The following DSG2 variants were observed in gnomAD, a reference collection of about 807,000 sequenced individuals.
The protein encoded by DSG2 is desmoglein-2.
DSG2 carries 45 observed loss-of-function variants against 75.6 expected under a neutral mutation model. The ratio of observed to expected loss-of-function variants is 0.60; its 90% CI spans 0.47 to 0.76. DSG2 has a LOEUF of 0.76. DSG2 is among the 30% of genes least tolerant of loss of function. The probability of loss-of-function intolerance (pLI) is 0.00; values close to 1 mark genes in which losing one functional copy is unlikely to be tolerated. For synonymous variants in DSG2, 429 were observed against 483.9 expected (o/e 0.89, Z 1.49); for missense variants, 1,267 against 1,357.4 (o/e 0.93, Z 1.05).
chr18:31,502,513 G>A (rs2144285050), intron 1 of DSG2, among the ~76,000 whole-genome samples: 1 of 152,364 alleles, frequency 6.6e-6, no homozygotes, highest in South Asian at 2.1e-4. Flanking sequence ...ACTTTGGGAG[G>A]CCAAGGTGGG....
intron 1 of DSG2, among the ~76,000 whole-genome samples, chr18:31,517,275 G>A (rs2073099527): frequency 6.6e-6 from 1 of 152,198 alleles, no homozygotes; most frequent in African/African-American, 2.4e-5. Flanking sequence ...AAGGTAGTGG[G>A]GAGGTGGGGG....
rs2073307972 is a variant in DSG2, at chr18:31,546,225, C to T, written c.2839C>T (p.Pro947Ser). ...ETSYVTGSTM[P>S]PTTVILGPSQ... ...TTCCTATGTCACAGGGTCCACTATGCCACCAACCACTGTGATCCTGGGTCC... is the reference window on the plus strand; with the variant it reads ...TTCCTATGTCACAGGGTCCACTATGTCACCAACCACTGTGATCCTGGGTCC... Residue 947 changes from proline to serine, a missense_variant, in exon 15 of 15, where the codon CCA (proline) becomes TCA (serine). Physicochemically the swap from Pro to Ser is moderately conservative, Grantham distance 74 (BLOSUM62 -1). Coordinates refer to ENST00000261590, the MANE Select transcript of DSG2 (RefSeq NM_001943.5). The T allele has an allele frequency of 1.9e-6, 3 of 1,610,616 alleles. No individual in the cohort carries two copies. The African/African-American group carries it at 4.0e-5, about 22-fold the overall frequency.
At chr18:31,526,379 C>T (rs2704041) in intron 8 of DSG2, among the ~76,000 whole-genome samples, 33,605 of 151,970 alleles carry the variant, frequency 0.22, 5,919 homozygotes, top group African/African-American at 0.49. Flanking sequence ...AAATGTATAA[C>T]AGAATAGGGA....
chr18:31,545,875 G>C lies in DSG2; in HGVS notation c.2489G>C (p.Gly830Ala), dbSNP rs774914999. The C allele has an allele frequency of 1.9e-6, 3 of 1,614,028 alleles. No individual in the cohort carries two copies. The highest frequency in any genetic ancestry group is 2.5e-6 in the Non-Finnish European group (3 of 1,180,004). The change falls in exon 15 of 15, where the codon GGA becomes GCA. Residue 830 changes from glycine to alanine, a missense_variant. By Grantham distance (60) the Gly-to-Ala change is moderately conservative (BLOSUM62 0). Coordinates refer to ENST00000261590, the MANE Select transcript of DSG2 (RefSeq NM_001943.5). ...ELDDRFLDDLGLKFKTLAEVC... is the reference protein window; with the variant it reads ...ELDDRFLDDLALKFKTLAEVC... ...GATGACCGCTTCTTAGATGATTTGG[G>C]ACTTAAATTCAAGACACTAGCTGAA...
intron 6 of DSG2, among the ~76,000 whole-genome samples, chr18:31,523,859 G>C (rs924217935): frequency 9.2e-5 from 14 of 152,310 alleles, no homozygotes; most frequent in African/African-American, 2.9e-4. Context: ...GTGTCCTGCT[G>C]TGCACTGAGT....
At chr18:31,511,245 A>G (rs2073064747) in intron 1 of DSG2, among the ~76,000 whole-genome samples, 1 of 152,116 alleles carries the variant, frequency 6.6e-6, no homozygotes. Flanking sequence ...AAGGGCTATC[A>G]TGTGCATTGT....
chr18:31,498,241 G>C lies in DSG2; in HGVS notation c.-11G>C. On this transcript the variant is annotated 5_prime_UTR_variant, in exon 1 of 15. Transcript: ENST00000261590. ...AGCGGTGCGGCGGCGGGAGGCGGAG[G>C]CGAGGGTGCGATGGCGCGGAGCCCG... 8.0e-7 allele frequency: 1 copy of C among 1,255,106 alleles called. No individual in the cohort carries two copies. The highest frequency in any genetic ancestry group is 3.9e-5 in the South Asian group (1 of 25,328). The allele number at this position is 1,255,106 out of a possible 1,614,324, so 77.7% of individuals were successfully genotyped here.
intron 1 of DSG2, among the ~76,000 whole-genome samples, chr18:31,502,814 A>C (rs1231328400): frequency 6.6e-6 from 1 of 152,096 alleles, no homozygotes; most frequent in Admixed American, 6.6e-5. Context: ...GAAAGGAAGG[A>C]AGGAACTTTA....
At chr18:31,517,378 GC>G (rs1044845958) in intron 1 of DSG2, among the ~76,000 whole-genome samples, 1 of 152,162 alleles carries the variant, frequency 6.6e-6, no homozygotes, top group African/African-American at 2.4e-5. Context: ...CGATAGATCA[GC>G]AGGGTGACTA....
Position 31,531,085 on chromosome 18 carries a change from A to G in DSG2, c.1113A>G (p.Thr371=), listed in dbSNP as rs867091301. Residue 371 remains threonine, a synonymous_variant, in exon 9 of 15, where the codon ACA becomes ACG. Coordinates refer to ENST00000261590, the MANE Select transcript of DSG2 (RefSeq NM_001943.5). ...HKSIRSKYKP[T]PIPIKVKVKN... is the part of the protein sequence containing the mutation. ...CGATTAGGAGTAAATACAAGCCTAC[A>G]CCCATTCCCATCAAGGTCAAAGTGA... is the stretch of plus-strand genomic sequence containing the variant. 2 of 1,614,116 alleles carry G rather than the reference A, an allele frequency of 1.2e-6. No homozygotes were observed. The highest frequency in any genetic ancestry group is 3.3e-4 in the Middle Eastern group (2 of 6,062).
At chr18:31,500,007 C>T (rs576833448) in intron 1 of DSG2, among the ~76,000 whole-genome samples, 2 of 145,166 alleles carry the variant, frequency 1.4e-5, no homozygotes, top group East Asian at 2.0e-4. Context: ...CATTTTACCC[C>T]CAGTGTGTTT....
chr18:31,502,665 C>T (rs1488700494), intron 1 of DSG2, among the ~76,000 whole-genome samples: 2 of 151,876 alleles, frequency 1.3e-5, no homozygotes, highest in Admixed American at 6.5e-5. Flanking sequence ...GCAGGAGAAT[C>T]GCTTGAACCT....
chr18:31,503,305 C>G (rs1270631076), intron 1 of DSG2, among the ~76,000 whole-genome samples: 1 of 152,128 alleles, frequency 6.6e-6, no homozygotes, highest in Non-Finnish European at 1.5e-5. Context: ...ATAGAAGGAG[C>G]AACTATCTCA....
rs1598822771 is a variant in DSG2 at position 31,541,041 on chromosome 18, A to C, written c.1880-152A>C. The C allele has an allele frequency of 6.4e-6, 6 of 934,158 alleles. No homozygotes were observed. The East Asian group carries it at 1.6e-4, about 26-fold the overall frequency. 57.9% of individuals were successfully genotyped at this position (934,158 alleles called of 1,614,324 possible). A position where few individuals can be genotyped will look rare whatever the true frequency, so the allele number is the denominator to read the frequency against. On this transcript the variant is annotated intron_variant, in intron 12 of 14. Coordinates refer to ENST00000261590, the MANE Select transcript of DSG2 (RefSeq NM_001943.5). ...GTAATTCACCCAAAACAAGCTTGGT[A>C]AGGTTGGATCAGGGTGAAGAAAAGA...
At chr18:31,543,175 G>T in intron 14 of DSG2, 1 of 219,814 alleles carries the variant, frequency 4.5e-6, no homozygotes, top group Non-Finnish European at 9.0e-6. Flanking sequence ...CACTGAGAGA[G>T]CAGATTGTAC....
intron 1 of DSG2, among the ~76,000 whole-genome samples, chr18:31,505,706 G>C (rs1470686001): frequency 3.4e-5 from 5 of 145,080 alleles, no homozygotes; most frequent in Non-Finnish European, 7.4e-5. Context: ...TCTTTCACCA[G>C]GCTGGAGTGC....
chr18:31,519,381 T>C (rs925421231), intron 2 of DSG2, among the ~76,000 whole-genome samples: 7 of 152,000 alleles, frequency 4.6e-5, no homozygotes, highest in Non-Finnish European at 1.0e-4. Context: ...TTAGGCAACA[T>C]GGTGAAACCC....
rs771576658 is a variant in DSG2 at position 31,538,977 on chromosome 18, A to T, written c.1878A>T (p.Leu626=). 6.2e-7 allele frequency: 1 copy of T among 1,612,934 alleles called. No individual in the cohort carries two copies. Residue 626 remains leucine (L), a splice_region_variant and synonymous_variant, in exon 12 of 15, where the codon CTA becomes CTT. Transcript: ENST00000261590. ...ALMILAFLLL[L]LVPLLLLMCH... is the part of the protein sequence containing the mutation. ...TGATTTTGGCCTTTCTGCTCCTGCT[A>T]TGTAAGTCTTTAAAAGCCACTCTGT...
In DSG2 at chr18:31,546,178, G is replaced by C; in HGVS notation, c.2792G>C (p.Arg931Thr). ...ATPLPDPMAS[R>T]NVIATETSYV... ...CCTCTTCCTGACCCAATGGCTTCTA[G>C]AAATGTGATAGCAACAGAAACTTCC... Residue 931 changes from arginine (R) to threonine (T), a missense_variant, in exon 15 of 15, where the codon AGA becomes ACA. By Grantham distance (71) the Arg-to-Thr change is moderately conservative. Coordinates refer to ENST00000261590, the MANE Select transcript of DSG2 (RefSeq NM_001943.5). 6.2e-7 allele frequency: 1 copy of C among 1,614,094 alleles called. No individual in the cohort carries two copies. The highest frequency in any genetic ancestry group is 8.5e-7 in the Non-Finnish European group (1 of 1,179,970).
Sources: gnomAD v4.1 joint callset for allele counts (sites outside exome capture counted in the v4.1 genomes callset) on GRCh38, gnomAD v4.1.1 for gene constraint, MANE v1.5 for transcripts, NCBI Gene and HGNC (gene_info 2026-07-23, HGNC 2026-07-21) for gene names.